The following SMIM31 variants were observed in gnomAD, a reference collection of about 807,000 sequenced individuals.
SMIM31 encodes small integral membrane protein 31.
chr4:164,791,041 C>A (rs960192061), intron 2 of SMIM31, among the ~76,000 whole-genome samples: 1 of 152,074 alleles, frequency 6.6e-6, no homozygotes, highest in Non-Finnish European at 1.5e-5. Flanking sequence ...ATTCTTTAAT[C>A]CTTGTTATGT....
At chr4:164,772,294 G>GACGA (rs1732814419) in intron 2 of SMIM31, among the ~76,000 whole-genome samples, 1 of 152,100 alleles carries the variant, frequency 6.6e-6, no homozygotes, top group South Asian at 2.1e-4. Context: ...TCACTGCCAT[G>GACGA]ACGATAGCAC....
In SMIM31 at chr4:164,801,315, A is replaced by G; in HGVS notation, c.*121A>G. On this transcript the variant is annotated 3_prime_UTR_variant, in exon 3 of 3. Coordinates refer to ENST00000507311, the MANE Select transcript of SMIM31 (RefSeq NM_001352885.1). ...AAAGTTAAAATCACTTACTGATTAA[A>G]CACGATGATAATAACCATTAATGAA... 1 of 395,440 alleles carries G rather than the reference A, an allele frequency of 2.5e-6. No individual in the cohort carries two copies. The highest frequency in any genetic ancestry group is 4.4e-5 in the Admixed American group (1 of 22,650). 24.5% of individuals were successfully genotyped at this position (395,440 alleles called of 1,614,324 possible). A position where few individuals can be genotyped will look rare whatever the true frequency, so the allele number is the denominator to read the frequency against.
intron 2 of SMIM31, among the ~76,000 whole-genome samples, chr4:164,796,933 G>A (rs923176766): frequency 2.6e-5 from 4 of 152,140 alleles, no homozygotes; most frequent in Admixed American, 6.5e-5. Context: ...AGAGCCAAAC[G>A]TCTTTCACCC....
chr4:164,773,102 A>G (rs1340089648), intron 2 of SMIM31, among the ~76,000 whole-genome samples: 1 of 151,954 alleles, frequency 6.6e-6, no homozygotes, highest in African/African-American at 2.4e-5. Flanking sequence ...AATTGGCTAA[A>G]AAGATATAAC....
intron 2 of SMIM31, among the ~76,000 whole-genome samples, chr4:164,780,153 C>T (rs1283013205): frequency 2.0e-5 from 3 of 152,282 alleles, no homozygotes; most frequent in Admixed American, 6.5e-5. Flanking sequence ...AGTGGCCGGG[C>T]GCGGTGGCTC....
chr4:164,756,711 AGTAT>A (rs1732567521), intron 1 of SMIM31, among the ~76,000 whole-genome samples: 1 of 152,024 alleles, frequency 6.6e-6, no homozygotes, highest in African/African-American at 2.4e-5. Flanking sequence ...CTCTCTACAT[AGTAT>A]GTATGTTCAA....
At chr4:164,760,558 C>T (rs1732632541) in intron 1 of SMIM31, among the ~76,000 whole-genome samples, 2 of 136,108 alleles carry the variant, frequency 1.5e-5, no homozygotes, top group Non-Finnish European at 3.3e-5. Context: ...TGGTGAAACC[C>T]CAACTCTACT....
chr4:164,786,218 G>A (rs1192157616), intron 2 of SMIM31, among the ~76,000 whole-genome samples: 1 of 152,138 alleles, frequency 6.6e-6, no homozygotes, highest in Non-Finnish European at 1.5e-5. Context: ...TATACTATTT[G>A]CTCAGTAAAA....
chr4:164,783,232 A>AAAAAAAAAAAAC (rs147369524), intron 2 of SMIM31, among the ~76,000 whole-genome samples: 1 of 127,226 alleles, frequency 7.9e-6, no homozygotes, highest in African/African-American at 3.0e-5. Context: ...AAAAAAAAAA[A>AAAAAAAAAAAAC]GGAATTTCTG....
intron 2 of SMIM31, among the ~76,000 whole-genome samples, chr4:164,790,636 G>T (rs1470951090): frequency 6.6e-6 from 1 of 151,900 alleles, no homozygotes; most frequent in Non-Finnish European, 1.5e-5. Context: ...ATAAAATAAA[G>T]TTTTGTATTT....
intron 2 of SMIM31, among the ~76,000 whole-genome samples, chr4:164,789,868 T>C (rs368200302): frequency 1.1e-3 from 172 of 152,326 alleles, no homozygotes; most frequent in African/African-American, 3.9e-3. Context: ...TTAGATCTCT[T>C]AGTTATTTCC....
chr4:164,771,164 C>T (rs1441523188), intron 2 of SMIM31, among the ~76,000 whole-genome samples: 3 of 152,170 alleles, frequency 2.0e-5, no homozygotes, highest in Admixed American at 2.0e-4. Context: ...AATTAAAAGA[C>T]TATTCTATCC....
chr4:164,768,244 A>AAAAAGAAAAG (rs1033314764), intron 1 of SMIM31, among the ~76,000 whole-genome samples: 1 of 45,116 alleles, frequency 2.2e-5, no homozygotes, highest in East Asian at 6.3e-4. Flanking sequence ...ACAAAAAAAA[A>AAAAAGAAAAG]AAAAGAAAAG....
chr4:164,781,294 C>A (rs2110945300), intron 2 of SMIM31, among the ~76,000 whole-genome samples: 1 of 152,216 alleles, frequency 6.6e-6, no homozygotes, highest in South Asian at 2.1e-4. Context: ...TACCAAAGGA[C>A]CAAACAATCC....
At chr4:164,767,417 A>G (rs1449999532) in intron 1 of SMIM31, among the ~76,000 whole-genome samples, 8 of 152,226 alleles carry the variant, frequency 5.3e-5, no homozygotes, top group Admixed American at 5.2e-4. Context: ...TACAAAAATA[A>G]TATGATTTAC....
chr4:164,773,029 T>TAAAAAAAAA (rs56863708), intron 2 of SMIM31, among the ~76,000 whole-genome samples: 1 of 76,670 alleles, frequency 1.3e-5, no homozygotes, highest in Non-Finnish European at 2.4e-5. Flanking sequence ...CACTTGGCTT[T>TAAAAAAAAA]AAAAAAAAAA....
chr4:164,781,156 A>G (rs1008152255), intron 2 of SMIM31, among the ~76,000 whole-genome samples: 1 of 151,252 alleles, frequency 6.6e-6, no homozygotes, highest in South Asian at 2.1e-4. Flanking sequence ...ACACACACAC[A>G]CACAATACCA....
chr4:164,781,791 C>T (rs1732952804), intron 2 of SMIM31, among the ~76,000 whole-genome samples: 1 of 152,156 alleles, frequency 6.6e-6, no homozygotes, highest in Admixed American at 6.5e-5. Flanking sequence ...GTGGATGCTT[C>T]CACCTATGTA....
chr4:164,802,013 C>T lies in SMIM31; in HGVS notation c.*819C>T, dbSNP rs1733291317. On this transcript the variant is annotated 3_prime_UTR_variant, in exon 3 of 3. Transcript: ENST00000507311. ...CTTTGGGAGGCCGAGGTGGGCAGATCACGAGGTCAGGAGATTGAGACCATC... is the reference window on the plus strand; with the variant it reads ...CTTTGGGAGGCCGAGGTGGGCAGATTACGAGGTCAGGAGATTGAGACCATC... The T allele has an allele frequency of 6.6e-6, 1 of 151,838 alleles. No individual in the cohort carries two copies. Among genetic ancestry groups the T allele is most frequent in the African/African-American group, 2.4e-5 (1 of 41,286 alleles). 9.4% of individuals were successfully genotyped at this position (151,838 alleles called of 1,614,324 possible).
Sources: gnomAD v4.1 joint callset for allele counts (sites outside exome capture counted in the v4.1 genomes callset) on GRCh38, gnomAD v4.1.1 for gene constraint, MANE v1.5 for transcripts, NCBI Gene and HGNC (gene_info 2026-07-23, HGNC 2026-07-21) for gene names.